The following ALX4 variants were observed in gnomAD, a reference collection of about 807,000 sequenced individuals.
ALX4 encodes ALX homeobox 4.
A neutral mutation model predicts 40.6 loss-of-function variants in ALX4; 22 were observed. That is an observed-to-expected ratio of 0.54 (90% CI 0.39 to 0.77). The LOEUF (loss-of-function observed/expected upper bound fraction) is 0.77, where lower values mean the gene tolerates loss of function less well. Among genes scored for constraint, ALX4 ranks in the 30% least tolerant of loss-of-function variants. The probability of loss-of-function intolerance (pLI) is 0.00; values close to 1 mark genes in which losing one functional copy is unlikely to be tolerated. For missense variants in ALX4, 556 were observed against 564.8 expected (o/e 0.98, Z 0.16); for synonymous variants, 266 against 240.5 (o/e 1.11, Z -0.98).
intron 1 of ALX4, among the ~76,000 whole-genome samples, chr11:44,277,522 T>A (rs1590692549): frequency 6.6e-6 from 1 of 152,144 alleles, no homozygotes. Context: ...GTGTGGTAGG[T>A]GTGAGCATCA....
At chr11:44,285,126 G>A (rs1332608714) in intron 1 of ALX4, among the ~76,000 whole-genome samples, 4 of 152,110 alleles carry the variant, frequency 2.6e-5, no homozygotes, top group Non-Finnish European at 5.9e-5. Flanking sequence ...CACCACGCCC[G>A]GCTAATTTTT....
chr11:44,285,249 G>C (rs1392942263), intron 1 of ALX4, among the ~76,000 whole-genome samples: 3 of 152,352 alleles, frequency 2.0e-5, no homozygotes, highest in Middle Eastern at 3.4e-3. Flanking sequence ...ACAGGCGTGA[G>C]CCACCGTGCC....
At chr11:44,305,960 T>TG (rs768682846) in intron 1 of ALX4, among the ~76,000 whole-genome samples, 5 of 152,184 alleles carry the variant, frequency 3.3e-5, no homozygotes, top group Non-Finnish European at 7.3e-5. Context: ...ATCCGGAGTT[T>TG]GGGGGCGAGG....
intron 2 of ALX4, among the ~76,000 whole-genome samples, chr11:44,270,572 C>T (rs1956240110): frequency 6.6e-6 from 1 of 152,230 alleles, no homozygotes; most frequent in Middle Eastern, 3.4e-3. Flanking sequence ...GGTCCTGAGG[C>T]TTGGAGTGTC....
intron 1 of ALX4, among the ~76,000 whole-genome samples, chr11:44,278,584 C>T (rs1378131610): frequency 2.0e-5 from 3 of 152,162 alleles, no homozygotes; most frequent in Admixed American, 6.5e-5. Flanking sequence ...AAGTAAGGGT[C>T]CAGTTTTGCC....
chr11:44,308,885 C>T (rs939016787), intron 1 of ALX4, among the ~76,000 whole-genome samples: 1 of 152,256 alleles, frequency 6.6e-6, no homozygotes, highest in African/African-American at 2.4e-5. Flanking sequence ...GGGAGAAGCT[C>T]CAGGGGAACT....
rs747567353 is a variant in ALX4 at position 44,309,672 on chromosome 11, T to C, written c.391A>G (p.Thr131Ala). 2.8e-5 allele frequency: 44 copies of C among 1,591,656 alleles called. No individual in the cohort carries two copies. Among genetic ancestry groups the C allele is most frequent in the Admixed American group, 6.8e-5 (4 of 58,830 alleles). ...AGTTTGAGGCTGCCGTCCGGGGGCG[T>C]CTTGCAGGCGCCTCGCTGCAAGTAA... The part of the protein sequence containing the change: ...HLYLQRGACK[T>A]PPDGSLKLQE... The change falls in exon 1 of 4, where the codon ACG becomes GCG. Residue 131 changes from threonine (T) to alanine (A), a missense_variant. By Grantham distance (58) the Thr-to-Ala change is moderately conservative. Coordinates refer to ENST00000652299, the MANE Select transcript of ALX4 (RefSeq NM_021926.4).
At chr11:44,298,788 A>G (rs1374935005) in intron 1 of ALX4, among the ~76,000 whole-genome samples, 1 of 20,140 alleles carries the variant, frequency 5.0e-5, no homozygotes, top group African/African-American at 1.2e-4. Flanking sequence ...CCCACAGGAA[A>G]CCCTGCAAAA....
chr11:44,298,887 G>A (rs1329921978), intron 1 of ALX4, among the ~76,000 whole-genome samples: 1 of 152,098 alleles, frequency 6.6e-6, no homozygotes, highest in East Asian at 1.9e-4. Context: ...AAGGATGAAC[G>A]AAGAGAGAGT....
intron 2 of ALX4, among the ~76,000 whole-genome samples, chr11:44,274,037 G>A (rs1048959155): frequency 6.6e-6 from 1 of 152,206 alleles, no homozygotes; most frequent in Non-Finnish European, 1.5e-5. Flanking sequence ...CACTTTGGGA[G>A]GTTGAGGTGG....
At chr11:44,272,502 TA>T (rs35228227) in intron 2 of ALX4, among the ~76,000 whole-genome samples, 47,719 of 144,716 alleles carry the variant, frequency 0.33, 8,021 homozygotes, top group Admixed American at 0.4. Context: ...AGACTCTGTC[TA>T]AAAAAAAAAA....
intron 1 of ALX4, among the ~76,000 whole-genome samples, chr11:44,305,239 T>C (rs2119907379): frequency 6.6e-6 from 1 of 152,386 alleles, no homozygotes; most frequent in East Asian, 1.9e-4. Flanking sequence ...TAAATTATAA[T>C]AAAGAAAAGA....
At chr11:44,301,251 C>T (rs1364729721) in intron 1 of ALX4, among the ~76,000 whole-genome samples, 2 of 152,360 alleles carry the variant, frequency 1.3e-5, no homozygotes, top group Non-Finnish European at 2.9e-5. Flanking sequence ...CCCAACATGT[C>T]ACCATGACCC....
intron 1 of ALX4, among the ~76,000 whole-genome samples, chr11:44,289,907 C>A (rs944375617): frequency 3.3e-5 from 5 of 152,172 alleles, no homozygotes; most frequent in Admixed American, 6.5e-5. Flanking sequence ...GGACCCACTG[C>A]CAGAGAAACA....
At chr11:44,301,160 C>G (rs1454616085) in intron 1 of ALX4, among the ~76,000 whole-genome samples, 3 of 152,248 alleles carry the variant, frequency 2.0e-5, no homozygotes, top group Non-Finnish European at 4.4e-5. Context: ...TGGAATCAAG[C>G]CTCTCAGTCC....
chr11:44,304,097 G>A (rs983331805), intron 1 of ALX4, among the ~76,000 whole-genome samples: 15 of 145,338 alleles, frequency 1.0e-4, no homozygotes, highest in African/African-American at 3.7e-4. Flanking sequence ...CTGTCTAGTG[G>A]CACCACAGGA....
chr11:44,309,681 C>T lies in ALX4; in HGVS notation c.382G>A (p.Ala128Thr), dbSNP rs1426934275. ...AQPHLYLQRG[A>T]CKTPPDGSLK... ...CTGCCGTCCGGGGGCGTCTTGCAGG[C>T]GCCTCGCTGCAAGTAAAGATGCGGT... The change falls in exon 1 of 4, where the codon GCC becomes ACC. Residue 128 changes from alanine to threonine, a missense_variant. Coordinates refer to ENST00000652299, the MANE Select transcript of ALX4 (RefSeq NM_021926.4). The T allele has an allele frequency of 6.3e-7, 1 of 1,590,618 alleles. No homozygotes were observed. The highest frequency in any genetic ancestry group is 2.3e-5 in the East Asian group (1 of 43,956).
At chr11:44,293,450 T>C (rs1399209373) in intron 1 of ALX4, among the ~76,000 whole-genome samples, 1 of 152,088 alleles carries the variant, frequency 6.6e-6, no homozygotes, top group Non-Finnish European at 1.5e-5. Flanking sequence ...ATGCATGGTG[T>C]GTCCCTTCTA....
chr11:44,304,630 C>T (rs1312868408), intron 1 of ALX4, among the ~76,000 whole-genome samples: 2 of 152,194 alleles, frequency 1.3e-5, no homozygotes, highest in East Asian at 3.9e-4. Flanking sequence ...CGCCGGACGT[C>T]AACAACCTCT....
Sources: gnomAD v4.1 joint callset for allele counts (sites outside exome capture counted in the v4.1 genomes callset) on GRCh38, gnomAD v4.1.1 for gene constraint, MANE v1.5 for transcripts, NCBI Gene and HGNC (gene_info 2026-07-23, HGNC 2026-07-21) for gene names.